The following ITGAE variants were observed in gnomAD, a reference collection of about 807,000 sequenced individuals.
ITGAE encodes the protein integrin subunit alpha E.
A neutral mutation model predicts 136.5 loss-of-function variants in ITGAE; 99 were observed. The observed-to-expected ratio is 0.73, with a 90% CI of 0.62 to 0.86. The LOEUF is 0.86. Ranked by LOEUF, ITGAE falls within the 40% of genes least tolerant of loss-of-function variation. The probability of loss-of-function intolerance (pLI) is 0.00; values close to 1 mark genes in which losing one functional copy is unlikely to be tolerated. For missense variants in ITGAE, 1,447 were observed against 1,515.3 expected (o/e 0.95, Z 0.75); for synonymous variants, 613 against 591.8 (o/e 1.04, Z -0.52).
chr17:3,764,804 AC>A (rs537465840), intron 2 of ITGAE, among the ~76,000 whole-genome samples: 154 of 152,238 alleles, frequency 1.0e-3, no homozygotes, highest in Non-Finnish European at 1.8e-3. Flanking sequence ...TCTTGCCCCC[AC>A]CCAGGCCCAG....
In ITGAE at chr17:3,753,873, C is replaced by T; in HGVS notation, c.1437G>A (p.Gly479=). The T allele has an allele frequency of 6.2e-7, 1 of 1,614,132 alleles. No individual in the cohort carries two copies. Among genetic ancestry groups the T allele is most frequent in the Non-Finnish European group, 8.5e-7 (1 of 1,179,998 alleles). The part of the protein sequence containing the change: ...HKTCSLSYIA[G]APRYKHHGAV... ...CCCCATGATGTTTGTACCGTGGAGC[C>T]CCCGCGATGTAGGAGAGGCTGCAGG... is the stretch of plus-strand genomic sequence containing the variant. The change falls in exon 13 of 31, where the codon GGG becomes GGA. Residue 479 remains glycine, a synonymous_variant. Coordinates refer to ENST00000263087, the MANE Select transcript of ITGAE (RefSeq NM_002208.5).
At chr17:3,760,433 T>TC (rs1428892530) in intron 6 of ITGAE, 146 bp from the exon 7 acceptor site, 1 of 338,952 alleles carries the variant, frequency 3.0e-6, no homozygotes, top group African/African-American at 2.7e-5. Flanking sequence ...AGGGAAGCTT[T>TC]TTTTTTTTTT....
chr17:3,739,729 T>A, intron 20 of ITGAE, 76 bp downstream of exon 20: 1 of 1,219,170 alleles, frequency 8.2e-7, no homozygotes, highest in Non-Finnish European at 1.2e-6. Context: ...GTGCAGGGTG[T>A]CCTAATGAAG....
rs1300733282 is a variant in ITGAE at position 3,759,472 on chromosome 17, G to A, written c.796C>T (p.Leu266Phe). The change falls in exon 8 of 31, where the codon CTC becomes TTC. Residue 266 changes from leucine (L) to phenylalanine (F), a missense_variant. Leu to Phe is a conservative substitution (Grantham distance 22). Coordinates refer to ENST00000263087, the MANE Select transcript of ITGAE (RefSeq NM_002208.5). ...TGAGTGATGTTCTGGACTCTGGCGA[G>A]GGAGGCCATCACATCCTGGCTGTCC... The part of the protein sequence containing the change: ...LRDSQDVMAS[L>F]ARVQNITQVG... The A allele has an allele frequency of 6.2e-7, 1 of 1,614,154 alleles. No individual in the cohort carries two copies. Among genetic ancestry groups the A allele is most frequent in the East Asian group, 2.2e-5 (1 of 44,880 alleles).
intron 29 of ITGAE, among the ~76,000 whole-genome samples, chr17:3,719,257 G>A (rs61662837): frequency 0.033 from 4,040 of 121,628 alleles, 692 homozygotes; most frequent in African/African-American, 0.16. Flanking sequence ...AAAAAAAAAA[G>A]AAAAGAAAAG....
At chr17:3,725,290 T>A in intron 26 of ITGAE, 2 of 1,614,200 alleles carry the variant, frequency 1.2e-6, no homozygotes, top group African/African-American at 2.7e-5. Context: ...ACTCTAAGTA[T>A]TTCAAACAAA....
In ITGAE at chr17:3,766,872, C is replaced by T. The variant is rs146037013; in HGVS notation, c.156-2912G>A. On this transcript the variant is annotated intron_variant, in intron 2 of 30. Transcript: ENST00000263087. ...AAACCTGTGTTGTTGTAAGCCACTA[C>T]ATTTGTGGTAACTTGTTACAGCGTC... Among the ~76,000 whole-genome samples the T allele has an allele frequency of 4.8e-3, 733 of 151,274 alleles. 7 individuals are homozygous for T. The highest frequency in any genetic ancestry group is 0.017 in the African/African-American group (707 of 41,298).
Position 3,755,208 on chromosome 17 carries a change from C to G in ITGAE, c.1293G>C (p.Leu431Phe), listed in dbSNP as rs1045876320. The G allele has an allele frequency of 1.3e-6, 2 of 1,577,894 alleles. No individual in the cohort carries two copies. The highest frequency in any genetic ancestry group is 1.7e-6 in the Non-Finnish European group (2 of 1,168,060). ...VGAFDWSGGALLYDTRSRRGR... is the reference protein window; with the variant it reads ...VGAFDWSGGAFLYDTRSRRGR... Reference sequence around the variant, plus strand: ...CCCGGCGGCTGCGTGTGTCGTAGAGCAACGCCCCTCCGGACCAGTCAAAGG... The same window carrying G: ...CCCGGCGGCTGCGTGTGTCGTAGAGGAACGCCCCTCCGGACCAGTCAAAGG... The change falls in exon 12 of 31, where the codon TTG becomes TTC. Residue 431 changes from leucine to phenylalanine, a missense_variant. Physicochemically the swap from Leu to Phe is conservative, Grantham distance 22 (BLOSUM62 0). This residue lies in a region of ITGAE where 1,031 missense variants were observed against 1,011.4 expected (regional missense o/e 1.02). Transcript: ENST00000263087.
chr17:3,784,102 T>C (rs924939422), intron 1 of ITGAE, among the ~76,000 whole-genome samples: 3 of 151,830 alleles, frequency 2.0e-5, no homozygotes, highest in Non-Finnish European at 2.9e-5. Flanking sequence ...CTACTAAAAA[T>C]ACAAAAAATT....
intron 22 of ITGAE, 99 bp from the exon 23 acceptor site, chr17:3,731,282 C>A: frequency 1.3e-6 from 1 of 792,878 alleles, no homozygotes. Context: ...GACGATTCCT[C>A]AGATTTTCAC....
rs2052027507 is a variant in ITGAE at position 3,756,392 on chromosome 17, CCTGG to C, written c.1172-499_1172-496del. Among the ~76,000 whole-genome samples, 5 of 150,088 alleles carry C rather than the reference CCTGG, an allele frequency of 3.3e-5. No homozygotes were observed. In the South Asian group the frequency reaches 1.1e-3, roughly 32 times the overall value. ...GGAATAGAGGTCATGCGCCACCACG[CCTGG>C]CTAATTTTTTTTTTTTTTTTTTTGA... On this transcript the variant is annotated intron_variant, in intron 10 of 30. Transcript: ENST00000263087.
At chr17:3,750,580 A>T in intron 15 of ITGAE, 98 bp from the exon 16 acceptor site, 1 of 1,425,028 alleles carries the variant, frequency 7.0e-7, no homozygotes, top group Non-Finnish European at 9.5e-7. Context: ...CGCAGGCACC[A>T]TCCAGCCCCA....
At chr17:3,797,551 C>T (rs2053151241) in intron 1 of ITGAE, among the ~76,000 whole-genome samples, 1 of 150,998 alleles carries the variant, frequency 6.6e-6, no homozygotes, top group Non-Finnish European at 1.5e-5. Context: ...ACCTCTGCCT[C>T]CTGGGTTCAA....
rs774690655 is a variant in ITGAE at position 3,727,990 on chromosome 17, A to G, written c.3013T>C (p.Leu1005=). 8 of 1,614,008 alleles carry G rather than the reference A, an allele frequency of 5.0e-6. No homozygotes were observed. The highest frequency in any genetic ancestry group is 1.3e-5 in the African/African-American group (1 of 74,936). ...GENLFGAEYQ[L]QICVPTKLRG... ...AATTTGGTTGGGACGCAAATTTGCA[A>G]CTGGTATTCTGCTCCAAAGAGGTTC... is the stretch of plus-strand genomic sequence containing the variant. Residue 1005 remains leucine, a synonymous_variant, in exon 26 of 31, where the codon TTG becomes CTG. Transcript: ENST00000263087.
intron 2 of ITGAE, among the ~76,000 whole-genome samples, chr17:3,777,183 A>C (rs375957376): frequency 6.6e-6 from 1 of 151,560 alleles, no homozygotes; most frequent in African/African-American, 2.4e-5. Context: ...GGATGGTCTC[A>C]ATCTCCTGAC....
At chr17:3,719,917 G>A (rs2051016180) in intron 29 of ITGAE, among the ~76,000 whole-genome samples, 1 of 152,060 alleles carries the variant, frequency 6.6e-6, no homozygotes, top group African/African-American at 2.4e-5. Flanking sequence ...TGGTAGACAG[G>A]GTTTCTCCAT....
chr17:3,742,088 C>T (rs949929760), intron 19 of ITGAE, among the ~76,000 whole-genome samples: 1 of 152,114 alleles, frequency 6.6e-6, no homozygotes, highest in Non-Finnish European at 1.5e-5. Flanking sequence ...AAAAACAAAA[C>T]AAAAATGTAT....
chr17:3,748,616 G>A (rs2143018052), intron 16 of ITGAE, among the ~76,000 whole-genome samples: 1 of 152,184 alleles, frequency 6.6e-6, no homozygotes, highest in East Asian at 1.9e-4. Context: ...CGGTAATAAG[G>A]ACCGAGGGCT....
intron 29 of ITGAE, among the ~76,000 whole-genome samples, chr17:3,719,734 T>G (rs1170010525): frequency 6.6e-6 from 1 of 152,184 alleles, no homozygotes; most frequent in Non-Finnish European, 1.5e-5. Context: ...TTTATTTATT[T>G]ATTTATTTTT....
Sources: allele counts gnomAD v4.1 joint callset (sites outside exome capture counted in the v4.1 genomes callset), GRCh38; gene constraint gnomAD v4.1.1; regional missense constraint gnomAD v4.1.1; transcripts MANE v1.5; gene names NCBI Gene and HGNC (gene_info 2026-07-23, HGNC 2026-07-21).